Variants in ACY1 observed in about 807,000 individuals in gnomAD.
The protein encoded by ACY1 is aminoacylase 1.
In ACY1, 38 loss-of-function variants were observed where a neutral mutation model predicts 53.3. The observed-to-expected ratio is 0.71, with a 90% CI of 0.55 to 0.93. ACY1 has a LOEUF of 0.93. Ranked by LOEUF, ACY1 falls within the 40% of genes least tolerant of loss-of-function variation. ACY1 has a pLI of 0.00. For missense variants in ACY1, 484 were observed against 540.9 expected (o/e 0.89, Z 1.04); for synonymous variants, 177 against 202.1 (o/e 0.88, Z 1.05).
In ACY1 at chr3:51,984,122, C is replaced by T. The variant is rs200895743; in HGVS notation, c.58C>T (p.Leu20=). 4 of 1,613,838 alleles carry T rather than the reference C, an allele frequency of 2.5e-6. No homozygotes were observed. The highest frequency in any genetic ancestry group is 2.7e-5 in the African/African-American group (2 of 74,944). ...HPSVTLFRQY[L]RIRTVQPKPD... is the part of the protein sequence containing the mutation. Reference sequence around the variant, plus strand: ...ATCGGTGACGCTCTTCCGCCAGTACCTGCGTATCCGCACTGTCCAGCCCAA... The same window carrying T: ...ATCGGTGACGCTCTTCCGCCAGTACTTGCGTATCCGCACTGTCCAGCCCAA... The change falls in exon 2 of 15, where the codon CTG becomes TTG. Residue 20 remains leucine (L), a synonymous_variant. Coordinates refer to ENST00000636358, the MANE Select transcript of ACY1 (RefSeq NM_000666.3).
chr3:51,986,764 A>C, intron 8 of ACY1, 103 bp downstream of exon 8: 1 of 1,493,404 alleles, frequency 6.7e-7, no homozygotes. Context: ...AGGCCTGAGA[A>C]GGCCTTGAAC....
intron 4 of ACY1, among the ~76,000 whole-genome samples, 179 bp from the exon 5 acceptor site, chr3:51,985,672 CA>C (rs1701030986): frequency 1.3e-5 from 2 of 152,132 alleles, no homozygotes; most frequent in Non-Finnish European, 2.9e-5. Context: ...GGGTGGGAAG[CA>C]GGAGACAGCA....
Position 51,984,060 on chromosome 3 carries a change from G to A in ACY1, c.-5G>A, listed in dbSNP as rs780419517. 1 of 1,613,394 alleles carries A rather than the reference G, an allele frequency of 6.2e-7. No individual in the cohort carries two copies. The highest frequency in any genetic ancestry group is 1.7e-5 in the Admixed American group (1 of 60,034). The stretch of plus-strand genomic sequence containing the variant: ...CTTTGCCCCCAGCTCACCACGCGCA[G>A]CGCCATGACCAGCAAGGGTCCCGAG... On this transcript the variant is annotated 5_prime_UTR_variant, in exon 2 of 15. Transcript: ENST00000636358.
Position 51,986,452 on chromosome 3 carries a change from C to G in ACY1, c.474C>G (p.Phe158Leu), listed in dbSNP as rs745793135. 7 of 1,613,300 alleles carry G rather than the reference C, an allele frequency of 4.3e-6. No homozygotes were observed. Among genetic ancestry groups the G allele is most frequent in the Middle Eastern group, 3.3e-4 (2 of 6,000 alleles). ...EVGGHQGMEL[F>L]VQRPEFHALR... ...GGGGTCACCAAGGCATGGAGCTGTT[C>G]GTGCAGCGGCCTGAGTTCCACGCCC... The change falls in exon 7 of 15, where the codon TTC (phenylalanine) becomes TTG (leucine). Residue 158 changes from phenylalanine to leucine, a missense_variant. By Grantham distance (22) the Phe-to-Leu change is conservative. Coordinates refer to ENST00000636358, the MANE Select transcript of ACY1 (RefSeq NM_000666.3).
chr3:51,988,363 G>T, intron 12 of ACY1, 161 bp from the exon 13 acceptor site: 4 of 712,012 alleles, frequency 5.6e-6, no homozygotes, highest in Admixed American at 2.0e-5. Context: ...CATTTGAGGG[G>T]CTGAAAGAGG....
intron 12 of ACY1, chr3:51,988,012 C>T: frequency 3.3e-6 from 1 of 299,314 alleles, no homozygotes; most frequent in South Asian, 3.5e-5. Context: ...ATTACAGGCA[C>T]CTGCCACCAC....
At chr3:51,985,179 G>A (rs1187122624) in intron 2 of ACY1, 28 bp from the exon 3 acceptor site, 1 of 1,583,316 alleles carries the variant, frequency 6.3e-7, no homozygotes, top group Non-Finnish European at 8.6e-7. Context: ...GTAGGCAGAA[G>A]CAGCCCCAAG....
rs994579322 is a variant in ACY1, at chr3:51,988,608, G to A, written c.1001+5G>A. On this transcript the variant is annotated splice_donor_5th_base_variant and intron_variant, in intron 13 of 14. Transcript: ENST00000636358. ...TAGCCGGGTCTGCAAGGATATGTGA[G>A]CACGCTGGCCAGCTCTCCTCACAGC... The A allele has an allele frequency of 6.2e-7, 1 of 1,614,122 alleles. No individual in the cohort carries two copies. Among genetic ancestry groups the A allele is most frequent in the Admixed American group, 1.7e-5 (1 of 60,024 alleles).
rs145367731 is a variant in ACY1, at chr3:51,986,859, G to C, written c.584-129G>C. 1.8e-3 allele frequency: 2,196 copies of C among 1,247,580 alleles called. 19 individuals carry two copies. The African/African-American group carries it at 0.022, about 13-fold the overall frequency. The allele number at this position is 1,247,580 out of a possible 1,614,324, so 77.3% of individuals were successfully genotyped here. On this transcript the variant is annotated intron_variant, in intron 8 of 14. Transcript: ENST00000636358. ...TGGGCAGAAACCAGCTGTATGCTACGGGCCCTGAGTGGGGACAGGACCCTG... is the reference window on the plus strand; with the variant it reads ...TGGGCAGAAACCAGCTGTATGCTACCGGCCCTGAGTGGGGACAGGACCCTG...
intron 13 of ACY1, 28 bp from the exon 14 acceptor site, chr3:51,988,738 C>T (rs1701162491): frequency 6.2e-7 from 1 of 1,613,378 alleles, no homozygotes; most frequent in Admixed American, 1.7e-5. Flanking sequence ...TTTCTCCCTC[C>T]CCATTCATCA....
At position 51,988,992 on chromosome 3, in the gene ACY1, G is replaced by C. The variant is rs957549071; in HGVS notation, c.1144G>C (p.Ala382Pro). The change falls in exon 15 of 15, where the codon GCT becomes CCT. Residue 382 changes from alanine (A) to proline (P), a missense_variant. By Grantham distance (27) the Ala-to-Pro change is conservative. Coordinates refer to ENST00000636358, the MANE Select transcript of ACY1 (RefSeq NM_000666.3). ...LHDHDERLHEAVFLRGVDIYT... is the reference protein window; with the variant it reads ...LHDHDERLHEPVFLRGVDIYT... ...CGACCACGATGAACGGCTGCATGAG[G>C]CTGTGTTCCTCCGTGGGGTGGACAT... 3.7e-6 allele frequency: 6 copies of C among 1,614,158 alleles called. No homozygotes were observed. The highest frequency in any genetic ancestry group is 5.1e-6 in the Non-Finnish European group (6 of 1,180,034).
chr3:51,986,902 G>A (rs1701082431), intron 8 of ACY1, 86 bp from the exon 9 acceptor site: 19 of 1,451,502 alleles, frequency 1.3e-5, no homozygotes, highest in Non-Finnish European at 1.5e-5. Context: ...AGCCTGGAAT[G>A]AGGGGGAGAC....
At chr3:51,984,493 A>G (rs62259756) in intron 2 of ACY1, 63,302 of 427,992 alleles carry the variant, frequency 0.15, 5,422 homozygotes, top group South Asian at 0.25. Context: ...CTGGGGCTGG[A>G]CAAAGGCCAC....
chr3:51,985,785 C>T (rs1701033333), intron 4 of ACY1, 67 bp from the exon 5 acceptor site: 3 of 1,384,824 alleles, frequency 2.2e-6, no homozygotes, highest in Admixed American at 3.8e-5. Flanking sequence ...GGCAGGGCCA[C>T]TGTTGACCAG....
At position 51,988,569 on chromosome 3, in the gene ACY1, T is replaced by G; in HGVS notation, c.967T>G (p.Trp323Gly). The change falls in exon 13 of 15, where the codon TGG (tryptophan) becomes GGG (glycine). Residue 323 changes from tryptophan to glycine, a missense_variant. By Grantham distance (184) the Trp-to-Gly change is radical (BLOSUM62 -2). Transcript: ENST00000636358. ...QVTPTDDSNP[W>G]WAAFSRVCKD... is the part of the protein sequence containing the mutation. ...GACACCTACTGATGACTCAAACCCT[T>G]GGTGGGCAGCTTTTAGCCGGGTCTG... is the stretch of plus-strand genomic sequence containing the variant. 1 of 1,614,164 alleles carries G rather than the reference T, an allele frequency of 6.2e-7. No individual in the cohort carries two copies. Among genetic ancestry groups the G allele is most frequent in the South Asian group, 1.1e-5 (1 of 91,088 alleles).
Position 51,985,938 on chromosome 3 carries a change from C to T in ACY1, c.351C>T (p.Val117=). 1 of 1,611,388 alleles carries T rather than the reference C, an allele frequency of 6.2e-7. No individual in the cohort carries two copies. The highest frequency in any genetic ancestry group is 8.5e-7 in the Non-Finnish European group (1 of 1,178,764). Residue 117 remains valine, a synonymous_variant, in exon 5 of 15, where the codon GTC becomes GTT. Coordinates refer to ENST00000636358, the MANE Select transcript of ACY1 (RefSeq NM_000666.3). ...GGGGTGCCCAGGACATGAAGTGCGT[C>T]AGCATCCAGTGAGTGTCCTCCATTC... is the stretch of plus-strand genomic sequence containing the variant. The part of the protein sequence containing the change: ...YARGAQDMKC[V]SIQYLEAVRR...
chr3:51,988,181 C>A (rs1701142775), intron 12 of ACY1: 8 of 422,466 alleles, frequency 1.9e-5, no homozygotes, highest in Non-Finnish European at 3.1e-5. Context: ...TTCATATAAC[C>A]CATGTGGTAC....
At position 51,987,377 on chromosome 3, in the gene ACY1, G is replaced by C; in HGVS notation, c.776G>C (p.Gly259Ala). The change falls in exon 11 of 15, where the codon GGC becomes GCC. Residue 259 changes from glycine to alanine, a missense_variant. Coordinates refer to ENST00000636358, the MANE Select transcript of ACY1 (RefSeq NM_000666.3). ...GTGAACCTGACTAAGCTAGAGGGTG[G>C]CGTGGCCTATAACGTGATACCTGCC... ...TSVNLTKLEG[G>A]VAYNVIPATM... The C allele has an allele frequency of 1.2e-6, 2 of 1,614,156 alleles. No homozygotes were observed. The highest frequency in any genetic ancestry group is 8.5e-7 in the Non-Finnish European group (1 of 1,180,036).
At chr3:51,983,836 A>T (rs895201253) in intron 1 of ACY1, among the ~76,000 whole-genome samples, 2 of 151,902 alleles carry the variant, frequency 1.3e-5, no homozygotes, top group Middle Eastern at 3.2e-3. Context: ...CACAAACTTC[A>T]TGGGGCTCTT....
Sources: gnomAD v4.1 joint callset for allele counts (sites outside exome capture counted in the v4.1 genomes callset) on GRCh38, gnomAD v4.1.1 for gene constraint, MANE v1.5 for transcripts, NCBI Gene and HGNC (gene_info 2026-07-23, HGNC 2026-07-21) for gene names.